Variants in RUNX2 observed in about 807,000 individuals in gnomAD.
The protein encoded by RUNX2 is RUNX family transcription factor 2.
In RUNX2, 10 loss-of-function variants were observed where a neutral mutation model predicts 51.7. That is an observed-to-expected ratio of 0.19 (90% confidence interval 0.12 to 0.33). The LOEUF (loss-of-function observed/expected upper bound fraction) is 0.33, where lower values mean the gene tolerates loss of function less well. RUNX2 is among the 10% of genes least tolerant of loss of function. RUNX2 has a pLI of 1.00. For missense variants in RUNX2, 562 were observed against 691.3 expected, an observed-to-expected ratio of 0.81 and a Z score of 2.10; for synonymous variants, 276 against 273.6, an observed-to-expected ratio of 1.01 and a Z score of -0.09.
intron 2 of RUNX2, among the ~76,000 whole-genome samples, chr6:45,396,644 G>A (rs1017560132): frequency 1.3e-5 from 2 of 152,250 alleles, no homozygotes; most frequent in East Asian, 3.9e-4. Flanking sequence ...GGGCTCCAGC[G>A]ATCCTCTTGC....
At chr6:45,516,641 T>C (rs1801331036) in intron 7 of RUNX2, among the ~76,000 whole-genome samples, 3 of 152,360 alleles carry the variant, frequency 2.0e-5, no homozygotes, top group Admixed American at 2.0e-4. Context: ...GCCAAAGTTA[T>C]TTCTCATTGA....
rs1219072282 is a variant in RUNX2, at chr6:45,485,697, G to GTGTATATATATATATATATATA, written c.686-6243_686-6242insGTATATATATATATATATATAT. On this transcript the variant is annotated intron_variant, in intron 5 of 8. Transcript: ENST00000647337. ...TATGTGTGTGTGTGTGTGTGTGTGT[G>GTGTATATATATATATATATATA]TATATATATATATATATATACACAT... Among the ~76,000 whole-genome samples the GTGTATATATATATATATATATA allele has an allele frequency of 2.7e-3, 284 of 103,932 alleles. 2 individuals are homozygous for GTGTATATATATATATATATATA. The highest frequency in any genetic ancestry group is 9.6e-3 in the African/African-American group (250 of 26,176). 68.2% of individuals were successfully genotyped at this position (103,932 alleles called of 152,430 possible).
chr6:45,545,601 C>A (rs1802376361), intron 8 of RUNX2, among the ~76,000 whole-genome samples: 1 of 152,136 alleles, frequency 6.6e-6, no homozygotes, highest in Non-Finnish European at 1.5e-5. Flanking sequence ...TTAAAGTCCT[C>A]AAGAATTGTT....
intron 5 of RUNX2, among the ~76,000 whole-genome samples, chr6:45,462,635 G>C (rs1799508024): frequency 6.6e-6 from 1 of 152,234 alleles, no homozygotes. Context: ...TTTTAAAACA[G>C]TATATTTGTA....
intron 5 of RUNX2, among the ~76,000 whole-genome samples, chr6:45,466,571 G>A (rs1012252464): frequency 1.3e-5 from 2 of 152,200 alleles, no homozygotes; most frequent in Non-Finnish European, 2.9e-5. Flanking sequence ...CTCCAAGAAG[G>A]GTGGCCAGGA....
rs527896164 is a variant in RUNX2, at chr6:45,341,342, G to A, written c.58+12558G>A. 4.6e-5 allele frequency among the ~76,000 whole-genome samples: 7 copies of A among 152,238 alleles called. No individual in the cohort carries two copies. In the East Asian group the frequency reaches 7.7e-4, roughly 17 times the overall value. ...TATTTTGCAAAGATAAAGCACTAAG[G>A]AAAAGAGAAAAGCTGTTTGGGGATC... On this transcript the variant is annotated intron_variant, in intron 2 of 8. Transcript: ENST00000647337.
At chr6:45,443,266 G>T (rs914733915) in intron 5 of RUNX2, among the ~76,000 whole-genome samples, 3 of 151,904 alleles carry the variant, frequency 2.0e-5, no homozygotes, top group Non-Finnish European at 2.9e-5. Flanking sequence ...TCCTAGGCTG[G>T]TCTTGAACTC....
At chr6:45,408,296 C>G (rs1428027264) in intron 2 of RUNX2, among the ~76,000 whole-genome samples, 2 of 151,556 alleles carry the variant, frequency 1.3e-5, no homozygotes, top group Non-Finnish European at 2.9e-5. Flanking sequence ...CCTACTTTTG[C>G]AAAGTAGGAA....
chr6:45,337,188 G>T (rs1788744162), intron 2 of RUNX2, among the ~76,000 whole-genome samples: 2 of 151,756 alleles, frequency 1.3e-5, no homozygotes, highest in South Asian at 4.1e-4. Flanking sequence ...ATGACTTACA[G>T]AATTTTTTTC....
At chr6:45,511,692 C>T (rs1181426830) in intron 6 of RUNX2, among the ~76,000 whole-genome samples, 1 of 152,156 alleles carries the variant, frequency 6.6e-6, no homozygotes, top group Non-Finnish European at 1.5e-5. Flanking sequence ...ATTCCATTGA[C>T]CTGCCTGAAA....
At chr6:45,490,540 G>A (rs1477377598) in intron 5 of RUNX2, among the ~76,000 whole-genome samples, 1 of 152,128 alleles carries the variant, frequency 6.6e-6, no homozygotes, top group East Asian at 1.9e-4. Flanking sequence ...AATAAAATAA[G>A]GAATTTGTCT....
intron 2 of RUNX2, among the ~76,000 whole-genome samples, chr6:45,346,708 G>C (rs1262330695): frequency 6.6e-6 from 1 of 151,908 alleles, no homozygotes; most frequent in African/African-American, 2.4e-5. Flanking sequence ...GGGATTACAG[G>C]TGCAGGCCAC....
At chr6:45,369,856 T>C (rs1275157658) in intron 2 of RUNX2, among the ~76,000 whole-genome samples, 1 of 151,854 alleles carries the variant, frequency 6.6e-6, no homozygotes, top group African/African-American at 2.4e-5. Context: ...AACTGGGAGG[T>C]GGCATTTAAT....
At position 45,549,465 on chromosome 6, in the gene RUNX2, C is replaced by T. The variant is rs974159687; in HGVS notation, c.*2160C>T. The T allele has an allele frequency of 3.5e-5, 14 of 397,862 alleles. No homozygotes were observed. Among genetic ancestry groups the T allele is most frequent in the Admixed American group, 1.3e-4 (3 of 22,690 alleles). The allele number at this position is 397,862 out of a possible 1,614,324, so 24.6% of individuals were successfully genotyped here. A position where few individuals can be genotyped will look rare whatever the true frequency, so the allele number is the denominator to read the frequency against. Reference sequence around the variant, plus strand: ...GCAAAACACTTTGCCTTCTAAAGGCCGTATACCAAGTATGCTTAGATAAAT... The same window carrying T: ...GCAAAACACTTTGCCTTCTAAAGGCTGTATACCAAGTATGCTTAGATAAAT... On this transcript the variant is annotated 3_prime_UTR_variant, in exon 9 of 9. Transcript: ENST00000647337.
At chr6:45,372,844 G>A (rs1035278772) in intron 2 of RUNX2, among the ~76,000 whole-genome samples, 1 of 151,976 alleles carries the variant, frequency 6.6e-6, no homozygotes, top group African/African-American at 2.4e-5. Flanking sequence ...TTGAGATGGA[G>A]TTTTGCTCTG....
chr6:45,374,946 C>G (rs964024022), intron 2 of RUNX2, among the ~76,000 whole-genome samples: 2 of 152,218 alleles, frequency 1.3e-5, no homozygotes, highest in Non-Finnish European at 2.9e-5. Context: ...GTGGCTCACA[C>G]CTGTAATCCC....
chr6:45,441,615 C>A (rs1271135257), intron 5 of RUNX2, among the ~76,000 whole-genome samples: 1 of 152,094 alleles, frequency 6.6e-6, no homozygotes, highest in African/African-American at 2.4e-5. Context: ...TTATGGTATG[C>A]CTCTAGGAAA....
chr6:45,348,000 T>A (rs145508489), intron 2 of RUNX2, among the ~76,000 whole-genome samples: 2 of 152,240 alleles, frequency 1.3e-5, no homozygotes, highest in Non-Finnish European at 2.9e-5. Flanking sequence ...AGTTTAAAGT[T>A]ATATAAATAG....
intron 2 of RUNX2, among the ~76,000 whole-genome samples, chr6:45,354,861 T>A (rs993500428): frequency 5.3e-5 from 8 of 152,172 alleles, no homozygotes; most frequent in Admixed American, 4.6e-4. Flanking sequence ...TGATATATAT[T>A]AAGTAAAAAC....
Sources: gnomAD v4.1 joint callset for allele counts (sites outside exome capture counted in the v4.1 genomes callset) on GRCh38, gnomAD v4.1.1 for gene constraint, MANE v1.5 for transcripts, NCBI Gene and HGNC (gene_info 2026-07-23, HGNC 2026-07-21) for gene names.